Variants in SEC31A observed in about 807,000 individuals in gnomAD.
SEC31A encodes the protein protein transport protein Sec31A.
In SEC31A, 70 loss-of-function variants were observed where a neutral mutation model predicts 151.0. The observed-to-expected ratio is 0.46, with a 90% CI of 0.38 to 0.57. The LOEUF (loss-of-function observed/expected upper bound fraction) is 0.57, where lower values mean the gene tolerates loss of function less well. Among genes scored for constraint, SEC31A ranks in the 20% least tolerant of loss-of-function variants. SEC31A has a pLI of 0.00. For synonymous variants in SEC31A, 475 were observed against 505.9 expected, an observed-to-expected ratio of 0.94 and a Z score of 0.82; for missense variants, 1,330 against 1,471.2, an observed-to-expected ratio of 0.90 and a Z score of 1.57.
At chr4:82,830,336 C>T (rs1397359705) in intron 22 of SEC31A, among the ~76,000 whole-genome samples, 2 of 152,192 alleles carry the variant, frequency 1.3e-5, no homozygotes, top group African/African-American at 4.8e-5. Context: ...TGGTGCATGC[C>T]TGTAGTCTCA....
chr4:82,842,403 G>C lies in SEC31A; in HGVS notation c.2705C>G (p.Pro902Arg). ...MYRPQQPVAPPTSNAYPNTPY... is the reference protein window; with the variant it reads ...MYRPQQPVAPRTSNAYPNTPY... ...GGTGTTAGGGTAAGCGTTTGAAGTA[G>C]GAGGAGCAACAGGCTGCTGAGGTCG... The change falls in exon 22 of 27, where the codon CCT becomes CGT. Residue 902 changes from proline (P) to arginine (R), a missense_variant. By Grantham distance (103) the Pro-to-Arg change is moderately radical. Coordinates refer to ENST00000395310, the MANE Select transcript of SEC31A (RefSeq NM_001077207.4). The C allele has an allele frequency of 6.2e-7, 1 of 1,614,002 alleles. No homozygotes were observed. Among genetic ancestry groups the C allele is most frequent in the Non-Finnish European group, 8.5e-7 (1 of 1,179,982 alleles).
At chr4:82,881,359 G>A (rs554720191) in intron 2 of SEC31A, among the ~76,000 whole-genome samples, 1 of 152,166 alleles carries the variant, frequency 6.6e-6, no homozygotes, top group East Asian at 1.9e-4. Flanking sequence ...CAGCTACTTG[G>A]GAGGCTGAGG....
intron 22 of SEC31A, among the ~76,000 whole-genome samples, chr4:82,841,879 G>A (rs547786739): frequency 2.3e-4 from 35 of 151,976 alleles, no homozygotes; most frequent in Non-Finnish European, 4.4e-4. Flanking sequence ...GGCTGAGGCA[G>A]GAGAATCGCT....
intron 22 of SEC31A, among the ~76,000 whole-genome samples, chr4:82,836,372 CAAAAAAAAAAAAA>C (rs70943158): frequency 1.6e-5 from 1 of 62,116 alleles, no homozygotes. Context: ...GACTCCATCT[CAAAAAAAAAAAAA>C]AAAAAAAGAA....
In SEC31A at chr4:82,837,199, A is replaced by ATATATATATATATAT. The variant is rs56888042; in HGVS notation, c.2968+4940_2968+4941insATATATATATATATA. 3.7e-4 allele frequency among the ~76,000 whole-genome samples: 31 copies of ATATATATATATATAT among 83,136 alleles called. 4 individuals carry two copies. The highest frequency in any genetic ancestry group is 1.2e-3 in the South Asian group (3 of 2,420). 54.5% of individuals were successfully genotyped at this position (83,136 alleles called of 152,430 possible). ...TATATATATATATATATATATATAT[A>ATATATATATATATAT]ATTTCACCACAATAAAAACTTTAAT... On this transcript the variant is annotated intron_variant, in intron 22 of 26. Coordinates refer to ENST00000395310, the MANE Select transcript of SEC31A (RefSeq NM_001077207.4).
At chr4:82,829,306 G>T (rs1386812641) in intron 22 of SEC31A, 3 of 378,124 alleles carry the variant, frequency 7.9e-6, no homozygotes, top group African/African-American at 2.0e-5. Flanking sequence ...GTAAAAGAGT[G>T]TGCTAAATTT....
At chr4:82,820,440 C>T (rs1018958768) in intron 26 of SEC31A, among the ~76,000 whole-genome samples, 1 of 152,170 alleles carries the variant, frequency 6.6e-6, no homozygotes, top group Non-Finnish European at 1.5e-5. Context: ...AGTCCCACTT[C>T]TTTTTTTCTT....
intron 6 of SEC31A, among the ~76,000 whole-genome samples, chr4:82,872,480 C>T (rs1017515020): frequency 5.9e-5 from 9 of 152,048 alleles, no homozygotes; most frequent in African/African-American, 7.2e-5. Flanking sequence ...TGAGCCACCG[C>T]GCCTGGCCTT....
chr4:82,866,870 TACTA>T lies in SEC31A; in HGVS notation c.1131_1134del (p.His377GlnfsTer2). 1.2e-6 allele frequency: 2 copies of T among 1,614,196 alleles called. No individual in the cohort carries two copies. Among genetic ancestry groups the T allele is most frequent in the Non-Finnish European group, 1.7e-6 (2 of 1,180,012 alleles). Reference sequence around the variant, plus strand: ...GGCGGCTTCTTCAGAGGCAGCACTATACTATGCTGAGCAGTCTGCTGTGGAATTT... The same window carrying T: ...GGCGGCTTCTTCAGAGGCAGCACTATTGCTGAGCAGTCTGCTGTGGAATTT... On this transcript the variant is annotated frameshift_variant, in exon 10 of 27. Transcript: ENST00000395310. LOFTEE classifies it high-confidence loss of function.
intron 22 of SEC31A, among the ~76,000 whole-genome samples, chr4:82,833,059 A>G (rs1363687823): frequency 6.6e-6 from 1 of 152,240 alleles, no homozygotes; most frequent in Non-Finnish European, 1.5e-5. Flanking sequence ...TACTGGGCAT[A>G]TATCCAAAAG....
intron 22 of SEC31A, among the ~76,000 whole-genome samples, chr4:82,836,428 T>C (rs1364876684): frequency 1.3e-5 from 2 of 151,526 alleles, no homozygotes; most frequent in African/African-American, 2.4e-5. Flanking sequence ...AAACAGATAT[T>C]TGCACATCCC....
intron 4 of SEC31A, 152 bp from the exon 5 acceptor site, chr4:82,875,974 T>G (rs1379780103): frequency 4.6e-6 from 2 of 432,784 alleles, no homozygotes; most frequent in Admixed American, 4.3e-5. Context: ...ATTTCTAAAT[T>G]ATGCATAATT....
chr4:82,876,542 CTG>C (rs1213081639), intron 4 of SEC31A, among the ~76,000 whole-genome samples: 1 of 152,202 alleles, frequency 6.6e-6, no homozygotes, highest in Non-Finnish European at 1.5e-5. Flanking sequence ...AATCCTAAAA[CTG>C]TGGCATCTTT....
At chr4:82,889,546 C>CAAA (rs11463983) in intron 1 of SEC31A, among the ~76,000 whole-genome samples, 1 of 129,952 alleles carries the variant, frequency 7.7e-6, no homozygotes, top group African/African-American at 2.9e-5. Context: ...GACCCTGTCT[C>CAAA]AAAAAAAAAA....
chr4:82,899,736 A>T (rs888133890), exon 3 of SEC31A: 1 of 152,670 alleles, frequency 6.6e-6, no homozygotes, highest in African/African-American at 2.4e-5. Context: ...TTCGGCTGTA[A>T]TCTGGACAAA....
At chr4:82,839,253 C>A (rs564745413) in intron 22 of SEC31A, among the ~76,000 whole-genome samples, 134 of 152,316 alleles carry the variant, frequency 8.8e-4, no homozygotes, top group South Asian at 2.3e-3. Context: ...TGGGTTCAAG[C>A]GGTTCTCTTG....
At chr4:82,842,935 A>G (rs1281318272) in intron 21 of SEC31A, 1 of 154,444 alleles carries the variant, frequency 6.5e-6, no homozygotes, top group African/African-American at 2.4e-5. Context: ...TATGTATCAA[A>G]TATCTTCTCC....
rs773337418 is a variant in SEC31A, at chr4:82,819,208, T to G, written c.3529A>C (p.Ile1177Leu). The change falls in exon 27 of 27, where the codon ATT becomes CTT. Residue 1177 changes from isoleucine to leucine, a missense_variant. Ile to Leu is a conservative substitution (Grantham distance 5). Coordinates refer to ENST00000395310, the MANE Select transcript of SEC31A (RefSeq NM_001077207.4). ...CCTTCTGAGTAGTTTCGAGTTTCAA[T>G]GCTCCTTGCAATGTTGTGTAAACCA... ...TSGLHNIARSIETRNYSEGLT... is the reference protein window; with the variant it reads ...TSGLHNIARSLETRNYSEGLT... 48 of 1,610,746 alleles carry G rather than the reference T, an allele frequency of 3.0e-5. No individual in the cohort carries two copies. Among genetic ancestry groups the G allele is most frequent in the Non-Finnish European group, 3.7e-5 (44 of 1,178,552 alleles).
At chr4:82,840,199 T>C (rs1021497186) in intron 22 of SEC31A, among the ~76,000 whole-genome samples, 5 of 152,178 alleles carry the variant, frequency 3.3e-5, no homozygotes, top group Non-Finnish European at 7.4e-5. Flanking sequence ...AAGACTTAAA[T>C]AAGAAAACAT....
Sources: allele counts gnomAD v4.1 joint callset (sites outside exome capture counted in the v4.1 genomes callset), GRCh38; gene constraint gnomAD v4.1.1; transcripts MANE v1.5; gene names NCBI Gene and HGNC (gene_info 2026-07-23, HGNC 2026-07-21).